NRG2: variants seen among roughly 807,000 people sequenced by gnomAD.
NRG2 encodes neuregulin 2.
Under a neutral mutation model 73.9 loss-of-function variants are expected in NRG2, and 27 were observed. The ratio of observed to expected loss-of-function variants is 0.37; its 90% CI spans 0.27 to 0.50. The LOEUF is 0.50. Ranked by LOEUF, NRG2 falls within the 20% of genes least tolerant of loss-of-function variation. The pLI is 0.96. For missense variants in NRG2, 1,126 were observed against 1,210.1 expected (o/e 0.93, Z 1.03); for synonymous variants, 532 against 541.0 (o/e 0.98, Z 0.23).
chr5:140,030,856 T>C (rs1761085108), intron 1 of NRG2, among the ~76,000 whole-genome samples: 1 of 152,168 alleles, frequency 6.6e-6, no homozygotes, highest in Non-Finnish European at 1.5e-5. Context: ...CTGAAAGGAA[T>C]CTCTGTCAGT....
rs1033561630 is a variant in NRG2 at position 139,904,481 on chromosome 5, A to G, written c.701-16970T>C. 25 of 773,830 alleles carry G rather than the reference A, an allele frequency of 3.2e-5. No individual in the cohort carries two copies. Among genetic ancestry groups the G allele is most frequent in the Non-Finnish European group, 4.9e-5 (24 of 491,666 alleles). The allele number at this position is 773,830 out of a possible 1,614,324, so 47.9% of individuals were successfully genotyped here. On this transcript the variant is annotated intron_variant, in intron 1 of 9. Coordinates refer to ENST00000361474, the MANE Select transcript of NRG2 (RefSeq NM_004883.3). This position sits in a 1 kb window ranked among gnomAD's most constrained non-coding sequence, Gnocchi z 6.0. Reference sequence around the variant, plus strand: ...CCGCCGCCTGCAGCCTCAGTGCCCGAGCGCGGCGCCTTTCTTATAGGCGGT... The same window carrying G: ...CCGCCGCCTGCAGCCTCAGTGCCCGGGCGCGGCGCCTTTCTTATAGGCGGT...
chr5:139,936,443 TACTC>T (rs1221316748), intron 1 of NRG2, among the ~76,000 whole-genome samples: 2 of 152,178 alleles, frequency 1.3e-5, no homozygotes, highest in Non-Finnish European at 1.5e-5. Flanking sequence ...GAACTACTAA[TACTC>T]ACTCAAAAAG....
At position 139,848,439 on chromosome 5, in the gene NRG2, G is replaced by A; in HGVS notation, c.2031C>T (p.Tyr677=). The change falls in exon 10 of 10, where the codon TAC becomes TAT. Residue 677 remains tyrosine, a synonymous_variant. Transcript: ENST00000361474. ...GTCCGGGCCCCGCCGCGGGGTAATAGTAGCTGTCATAGCTGCGCTGCATGT... is the reference window on the plus strand; with the variant it reads ...GTCCGGGCCCCGCCGCGGGGTAATAATAGCTGTCATAGCTGCGCTGCATGT... ...GADMQRSYDS[Y]YYPAAGPGPR... is the part of the protein sequence containing the mutation. The A allele has an allele frequency of 2.3e-6, 3 of 1,317,388 alleles. No homozygotes were observed. In the South Asian group the frequency reaches 6.7e-5, roughly 29 times the overall value. 81.6% of individuals were successfully genotyped at this position (1,317,388 alleles called of 1,614,324 possible).
rs557497735 is a variant in NRG2 at position 139,914,261 on chromosome 5, C to T, written c.701-26750G>A. Among the ~76,000 whole-genome samples the T allele has an allele frequency of 3.9e-5, 6 of 152,214 alleles. No individual in the cohort carries two copies. In the East Asian group the frequency reaches 7.7e-4, roughly 20 times the overall value. On this transcript the variant is annotated intron_variant, in intron 1 of 9. Transcript: ENST00000361474. ...AGCAGAAAGGTCTGGAGGTGGGATGCGAGCAAGCTAGGAGTGGGAGTATGG... is the reference window on the plus strand; with the variant it reads ...AGCAGAAAGGTCTGGAGGTGGGATGTGAGCAAGCTAGGAGTGGGAGTATGG...
Position 139,900,753 on chromosome 5 carries a change from C to T in NRG2, c.701-13242G>A, listed in dbSNP as rs138750766. Among the ~76,000 whole-genome samples the T allele has an allele frequency of 9.4e-3, 1,433 of 152,352 alleles. 12 individuals are homozygous for T. Among genetic ancestry groups the T allele is most frequent in the Non-Finnish European group, 0.012 (840 of 68,032 alleles). On this transcript the variant is annotated intron_variant, in intron 1 of 9. Coordinates refer to ENST00000361474, the MANE Select transcript of NRG2 (RefSeq NM_004883.3). ...CCCGAGGCCAGGGCTAGGGCCTGCC[C>T]AGGCTGGGCCAGCACCTTTTCCTCC...
At chr5:139,976,154 C>T (rs58447715) in intron 1 of NRG2, among the ~76,000 whole-genome samples, 12,066 of 152,222 alleles carry the variant, frequency 0.079, 714 homozygotes, top group African/African-American at 0.17. Context: ...CTCAAGTCCA[C>T]ACCCTTCAGT....
intron 1 of NRG2, among the ~76,000 whole-genome samples, chr5:139,928,179 G>A (rs1445510333): frequency 6.6e-6 from 1 of 152,114 alleles, no homozygotes; most frequent in Non-Finnish European, 1.5e-5. Flanking sequence ...TTGTGACAAC[G>A]AGAACAAGTG....
intron 1 of NRG2, among the ~76,000 whole-genome samples, chr5:139,898,060 A>G (rs955208657): frequency 1.4e-4 from 22 of 152,232 alleles, no homozygotes; most frequent in African/African-American, 5.1e-4. Context: ...CACTGAGCAC[A>G]TTTCGAGTGC....
In NRG2 at chr5:139,853,535, G is replaced by A. The variant is rs1761610867; in HGVS notation, c.1293-508C>T. 6.6e-6 allele frequency among the ~76,000 whole-genome samples: 1 copy of A among 152,200 alleles called. No homozygotes were observed. Among genetic ancestry groups the A allele is most frequent in the Non-Finnish European group, 1.5e-5 (1 of 68,038 alleles). ...TGAAGCCTGCAGGCCAGTAGAGGAA[G>A]CAGATGGTAAACACATAAACAAAGC... On this transcript the variant is annotated intron_variant, in intron 6 of 9. Transcript: ENST00000361474. The surrounding 1 kb of genome is among the most constrained non-coding windows in gnomAD (Gnocchi z 4.1).
At chr5:139,877,875 ACT>A (rs1049887122) in intron 3 of NRG2, among the ~76,000 whole-genome samples, 1 of 152,118 alleles carries the variant, frequency 6.6e-6, no homozygotes, top group African/African-American at 2.4e-5. Flanking sequence ...AAATCTCCAA[ACT>A]CTTTCCCCTG....
At chr5:139,925,751 C>A (rs1486389984) in intron 1 of NRG2, among the ~76,000 whole-genome samples, 2 of 152,164 alleles carry the variant, frequency 1.3e-5, no homozygotes, top group Non-Finnish European at 2.9e-5. Context: ...TAGCCTGCAG[C>A]GCAGGCTCCT....
chr5:140,021,602 C>T (rs144775902), intron 1 of NRG2, among the ~76,000 whole-genome samples: 1 of 152,192 alleles, frequency 6.6e-6, no homozygotes, highest in Non-Finnish European at 1.5e-5. Context: ...TCTGCAACAA[C>T]AACATGAGCA....
At chr5:139,903,272 GAACGTACTTCGTT>G (rs751865096) in intron 1 of NRG2, among the ~76,000 whole-genome samples, 6 of 152,144 alleles carry the variant, frequency 3.9e-5, no homozygotes, top group African/African-American at 7.2e-5. Flanking sequence ...CTTATCTCTG[GAACGTACTTCGTT>G]ACTTTAACTT....
intron 1 of NRG2, among the ~76,000 whole-genome samples, chr5:139,917,509 C>T (rs1045024881): frequency 2.0e-5 from 3 of 152,182 alleles, no homozygotes; most frequent in Non-Finnish European, 4.4e-5. Context: ...ACCTCAGCCT[C>T]CCAAAGTGCT....
chr5:139,859,157 A>G (rs1452821183), intron 5 of NRG2, among the ~76,000 whole-genome samples: 1 of 152,138 alleles, frequency 6.6e-6, no homozygotes, highest in Admixed American at 6.5e-5. Context: ...TTCTAGCCCA[A>G]GGAGTCTTCC....
intron 1 of NRG2, among the ~76,000 whole-genome samples, chr5:139,907,521 G>A (rs1342259248): frequency 1.3e-5 from 2 of 152,094 alleles, no homozygotes; most frequent in African/African-American, 4.8e-5. Context: ...AATGGCCAAG[G>A]GTATCAGCAA....
chr5:139,982,415 G>A (rs1756872737), intron 1 of NRG2, among the ~76,000 whole-genome samples: 1 of 152,048 alleles, frequency 6.6e-6, no homozygotes, highest in Non-Finnish European at 1.5e-5. Flanking sequence ...CCCGTTCTCT[G>A]GGAAACCTGT....
At chr5:139,971,849 A>G (rs994555535) in intron 1 of NRG2, among the ~76,000 whole-genome samples, 3 of 152,240 alleles carry the variant, frequency 2.0e-5, no homozygotes, top group African/African-American at 7.2e-5. Context: ...TACATTTAAC[A>G]GCATTCCAAA....
At chr5:140,040,931 T>C (rs1388839446) in intron 1 of NRG2, among the ~76,000 whole-genome samples, 2 of 152,166 alleles carry the variant, frequency 1.3e-5, no homozygotes, top group Non-Finnish European at 2.9e-5. Flanking sequence ...AGTTTTCCCC[T>C]CCTTATTAAG....
Sources: allele counts gnomAD v4.1 joint callset (sites outside exome capture counted in the v4.1 genomes callset), GRCh38; gene constraint gnomAD v4.1.1; non-coding constraint Gnocchi (gnomAD v3.1); transcripts MANE v1.5; gene names NCBI Gene and HGNC (gene_info 2026-07-23, HGNC 2026-07-21).